Variants in SMARCAL1 observed in about 807,000 individuals in gnomAD.
SMARCAL1 encodes the protein ATP-driven annealing helicase.
A neutral mutation model predicts 94.5 loss-of-function variants in SMARCAL1; 58 were observed. That is an observed-to-expected ratio of 0.61 (90% CI 0.50 to 0.76). SMARCAL1 has a LOEUF of 0.76. SMARCAL1 is among the 30% of genes least tolerant of loss of function. The pLI, the probability that SMARCAL1 is intolerant of heterozygous loss-of-function variation, is 0.00. For synonymous variants in SMARCAL1, 422 were observed against 455.1 expected (o/e 0.93, Z 0.93); for missense variants, 1,051 against 1,177.9 (o/e 0.89, Z 1.58).
chr2:216,475,066 A>T lies in SMARCAL1; in HGVS notation c.2245-203A>T, dbSNP rs1414512569. The stretch of plus-strand genomic sequence containing the variant: ...GCAGGAAACTGGGCAAAGGCCTAAG[A>T]GGGATCTCTATTATTTCTTACAATG... On this transcript the variant is annotated intron_variant, in intron 14 of 17. Coordinates refer to ENST00000357276, the MANE Select transcript of SMARCAL1 (RefSeq NM_014140.4). The surrounding 1 kb of genome is among the most constrained non-coding windows in gnomAD (Gnocchi z 4.4). Among the ~76,000 whole-genome samples the T allele has an allele frequency of 2.0e-5, 3 of 152,242 alleles. No homozygotes were observed. The highest frequency in any genetic ancestry group is 2.0e-4 in the Admixed American group (3 of 15,292).
intron 13 of SMARCAL1, among the ~76,000 whole-genome samples, chr2:216,465,873 C>T (rs917088330): frequency 2.6e-5 from 4 of 152,164 alleles, no homozygotes; most frequent in Non-Finnish European, 5.9e-5. Flanking sequence ...TACCTCTCCA[C>T]ACCCTCCACT....
intron 12 of SMARCAL1, among the ~76,000 whole-genome samples, chr2:216,452,125 G>A (rs116837302): frequency 0.015 from 2,228 of 152,320 alleles, 65 homozygotes; most frequent in African/African-American, 0.052. Context: ...ATGGTCTGGA[G>A]TAAGTGAGCA....
chr2:216,446,155 G>A (rs1273754195), intron 10 of SMARCAL1, among the ~76,000 whole-genome samples: 4 of 152,104 alleles, frequency 2.6e-5, no homozygotes, highest in East Asian at 1.9e-4. Context: ...CTTAATAATA[G>A]GAGGTGGGAT....
intron 12 of SMARCAL1, among the ~76,000 whole-genome samples, chr2:216,452,581 A>T (rs1455403797): frequency 2.7e-5 from 4 of 148,456 alleles, no homozygotes; most frequent in African/African-American, 1.1e-4. Flanking sequence ...CACCCTCACC[A>T]ATACCTGGTT....
Position 216,461,944 on chromosome 2 carries a change from T to C in SMARCAL1, c.2071-2653T>C, listed in dbSNP as rs532664696. 3.9e-5 allele frequency among the ~76,000 whole-genome samples: 6 copies of C among 152,370 alleles called. No homozygotes were observed. In the South Asian group the frequency reaches 1.0e-3, roughly 26 times the overall value. ...TAAGTTACTTTCAATTGCTCACTAT[T>C]CTGAGTAATACTGTACTGAAAAAGT... On this transcript the variant is annotated intron_variant, in intron 12 of 17. Coordinates refer to ENST00000357276, the MANE Select transcript of SMARCAL1 (RefSeq NM_014140.4).
chr2:216,450,671 C>T (rs1285219550), intron 11 of SMARCAL1, among the ~76,000 whole-genome samples, 175 bp from the exon 12 acceptor site: 1 of 151,972 alleles, frequency 6.6e-6, no homozygotes, highest in East Asian at 1.9e-4. Flanking sequence ...CTCTCTTTTC[C>T]TTTCCATTTC....
At chr2:216,430,471 G>T (rs1693938496) in intron 7 of SMARCAL1, among the ~76,000 whole-genome samples, 1 of 152,148 alleles carries the variant, frequency 6.6e-6, no homozygotes, top group Non-Finnish European at 1.5e-5. Context: ...AGTGGAGTTG[G>T]GGCTTAAATC....
chr2:216,420,235 T>C, intron 4 of SMARCAL1, 64 bp from the exon 5 acceptor site: 1 of 1,336,378 alleles, frequency 7.5e-7, no homozygotes, highest in Non-Finnish European at 1.1e-6. Flanking sequence ...CCCTTGCCTG[T>C]ATTTCAAAGC....
chr2:216,427,672 A>G (rs1693865240), intron 6 of SMARCAL1, among the ~76,000 whole-genome samples: 1 of 152,224 alleles, frequency 6.6e-6, no homozygotes, highest in South Asian at 2.1e-4. Flanking sequence ...TTCCAGAAAT[A>G]ACTGGTACTT....
intron 12 of SMARCAL1, among the ~76,000 whole-genome samples, chr2:216,455,354 G>A (rs865905919): frequency 1.3e-5 from 2 of 152,314 alleles, no homozygotes; most frequent in South Asian, 2.1e-4. Flanking sequence ...AGAGAGTAGT[G>A]GTTCTTCCAG....
At chr2:216,474,327 GCGGGGT>G (rs1360395222) in intron 14 of SMARCAL1, among the ~76,000 whole-genome samples, 1 of 148,238 alleles carries the variant, frequency 6.7e-6, no homozygotes, top group Non-Finnish European at 1.5e-5. Context: ...TTTAGTAGAG[GCGGGGT>G]TCCGCCATGT....
At chr2:216,447,737 T>C (rs938482262) in intron 11 of SMARCAL1, among the ~76,000 whole-genome samples, 1 of 152,070 alleles carries the variant, frequency 6.6e-6, no homozygotes, top group African/African-American at 2.4e-5. Flanking sequence ...TTGGGTGGGC[T>C]CTGTGAGTGC....
intron 16 of SMARCAL1, among the ~76,000 whole-genome samples, 160 bp downstream of exon 16, chr2:216,477,369 A>G (rs1695108210): frequency 6.6e-6 from 1 of 152,126 alleles, no homozygotes; most frequent in Admixed American, 6.5e-5. Flanking sequence ...CATCATGACC[A>G]TATTTGGCCT....
intron 11 of SMARCAL1, 78 bp from the exon 12 acceptor site, chr2:216,450,767 AC>A (rs763236882): frequency 2.2e-4 from 249 of 1,152,860 alleles, no homozygotes; most frequent in Non-Finnish European, 3.1e-4. Context: ...GAGAAGAGGG[AC>A]CTCCCGGGAT....
intron 14 of SMARCAL1, among the ~76,000 whole-genome samples, chr2:216,469,370 C>T (rs1694910476): frequency 6.6e-6 from 1 of 151,004 alleles, no homozygotes; most frequent in African/African-American, 2.4e-5. Context: ...CAAGCTCCAC[C>T]TCCCGGGTTC....
At chr2:216,471,313 C>G (rs919971977) in intron 14 of SMARCAL1, among the ~76,000 whole-genome samples, 2 of 151,888 alleles carry the variant, frequency 1.3e-5, no homozygotes, top group Admixed American at 1.3e-4. Context: ...TTTGAATTAC[C>G]TAAACACATG....
intron 1 of SMARCAL1, among the ~76,000 whole-genome samples, chr2:216,413,360 T>C (rs887391290): frequency 6.6e-6 from 1 of 152,236 alleles, no homozygotes; most frequent in Non-Finnish European, 1.5e-5. Flanking sequence ...GCTTCTAAAA[T>C]ATTGTAAACA....
At chr2:216,436,158 G>A (rs1299226348) in intron 9 of SMARCAL1, among the ~76,000 whole-genome samples, 2 of 152,054 alleles carry the variant, frequency 1.3e-5, no homozygotes, top group African/African-American at 2.4e-5. Context: ...TAGTAGAGAC[G>A]GGGTTTCACC....
intron 12 of SMARCAL1, among the ~76,000 whole-genome samples, chr2:216,452,737 C>T (rs1190986801): frequency 6.6e-6 from 1 of 152,048 alleles, no homozygotes; most frequent in Non-Finnish European, 1.5e-5. Flanking sequence ...AAAAGAAAAG[C>T]AGTAGAAATT....
Sources: allele counts gnomAD v4.1 joint callset (sites outside exome capture counted in the v4.1 genomes callset), GRCh38; gene constraint gnomAD v4.1.1; non-coding constraint Gnocchi (gnomAD v3.1); transcripts MANE v1.5; gene names NCBI Gene and HGNC (gene_info 2026-07-23, HGNC 2026-07-21).